PDE4D: variants seen among roughly 807,000 people sequenced by gnomAD.
PDE4D encodes 3',5'-cyclic-AMP phosphodiesterase 4D.
In PDE4D, 24 loss-of-function variants were observed where a neutral mutation model predicts 87.4. The observed-to-expected ratio is 0.27, with a 90% CI of 0.20 to 0.39. The LOEUF is 0.39. Ranked by LOEUF, PDE4D falls within the 10% of genes least tolerant of loss-of-function variation. The pLI is 1.00. For missense variants in PDE4D, 714 were observed against 1,041.0 expected, an observed-to-expected ratio of 0.69 and a Z score of 4.32; for synonymous variants, 384 against 383.2, an observed-to-expected ratio of 1.00 and a Z score of -0.02.
rs10035437 is a variant in PDE4D at position 58,972,180 on chromosome 5, A to G, written c.*2484T>C. On this transcript the variant is annotated 3_prime_UTR_variant, in exon 15 of 15. Coordinates refer to ENST00000340635, the MANE Select transcript of PDE4D (RefSeq NM_001104631.2). The stretch of plus-strand genomic sequence containing the variant: ...GAGGAGAGGAATGAGAATGTTTTGG[A>G]AAGAGGAATAAACTCTAGACTCTTT... The G allele has an allele frequency of 0.16, 24,420 of 152,540 alleles. 2,095 individuals carry two copies. The highest frequency in any genetic ancestry group is 0.19 in the Admixed American group (2,884 of 15,266). 9.4% of individuals were successfully genotyped at this position (152,540 alleles called of 1,614,324 possible). A position where few individuals can be genotyped will look rare whatever the true frequency, so the allele number is the denominator to read the frequency against.
intron 3 of PDE4D, among the ~76,000 whole-genome samples, chr5:59,941,692 C>A (rs1757200027): frequency 6.6e-6 from 1 of 152,238 alleles, no homozygotes; most frequent in Non-Finnish European, 1.5e-5. Flanking sequence ...AGAGGTTCTT[C>A]CTGCATGACT....
At chr5:59,098,042 T>C (rs1462427196) in intron 5 of PDE4D, among the ~76,000 whole-genome samples, 1 of 152,180 alleles carries the variant, frequency 6.6e-6, no homozygotes, top group Non-Finnish European at 1.5e-5. Flanking sequence ...ACTCCCAAAT[T>C]CCCAACTTCC....
At chr5:59,225,124 T>C (rs1005290324) in intron 1 of PDE4D, among the ~76,000 whole-genome samples, 6 of 152,222 alleles carry the variant, frequency 3.9e-5, no homozygotes, top group East Asian at 3.8e-4. Context: ...CTAAATTTTC[T>C]TCTAGGTTTA....
intron 5 of PDE4D, among the ~76,000 whole-genome samples, chr5:59,067,648 G>C (rs1764144690): frequency 6.6e-6 from 1 of 152,064 alleles, no homozygotes; most frequent in South Asian, 2.1e-4. Context: ...TGTAAGATTA[G>C]AGGAAAAACT....
chr5:60,396,701 A>T (rs1271867783), intron 1 of PDE4D, among the ~76,000 whole-genome samples: 2 of 152,088 alleles, frequency 1.3e-5, no homozygotes, highest in Non-Finnish European at 2.9e-5. Context: ...TCTGACTCCT[A>T]TTCAAGGCTG....
intron 1 of PDE4D, among the ~76,000 whole-genome samples, chr5:60,320,964 C>T (rs13168480): frequency 0.32 from 48,008 of 152,016 alleles, 9,169 homozygotes; most frequent in African/African-American, 0.52. Flanking sequence ...GTTGTTAAAA[C>T]GGTCATATTG....
chr5:60,313,647 G>T (rs898217538), intron 1 of PDE4D, among the ~76,000 whole-genome samples: 10 of 152,122 alleles, frequency 6.6e-5, no homozygotes, highest in African/African-American at 2.4e-4. Flanking sequence ...AAAACATCAG[G>T]CCAATATCCT....
chr5:60,450,292 G>A (rs931875985), intron 1 of PDE4D, among the ~76,000 whole-genome samples: 5 of 152,076 alleles, frequency 3.3e-5, no homozygotes, highest in Admixed American at 3.3e-4. Context: ...TCATGACAAT[G>A]TTAGTATTAA....
intron 2 of PDE4D, among the ~76,000 whole-genome samples, chr5:60,091,124 C>G (rs1339877260): frequency 6.6e-6 from 1 of 152,092 alleles, no homozygotes; most frequent in Non-Finnish European, 1.5e-5. Flanking sequence ...CTCAAAAACA[C>G]AAGCAACAAA....
intron 1 of PDE4D, among the ~76,000 whole-genome samples, chr5:59,374,606 A>G (rs905450781): frequency 5.3e-5 from 8 of 152,322 alleles, no homozygotes; most frequent in African/African-American, 1.7e-4. Context: ...CACTGAAAAT[A>G]TTAGATATAT....
chr5:60,436,987 T>C (rs1172134699), intron 1 of PDE4D, among the ~76,000 whole-genome samples: 1 of 152,074 alleles, frequency 6.6e-6, no homozygotes, highest in Non-Finnish European at 1.5e-5. Context: ...ATTCATAGGT[T>C]TGGAGCTAGA....
At chr5:60,459,429 T>C (rs1583834084) in intron 1 of PDE4D, among the ~76,000 whole-genome samples, 2 of 152,056 alleles carry the variant, frequency 1.3e-5, no homozygotes, top group Non-Finnish European at 2.9e-5. Flanking sequence ...GACAGATACA[T>C]GTTGGTAAAT....
At position 60,369,629 on chromosome 5, in the gene PDE4D, T is replaced by C. The variant is rs1390280691; in HGVS notation, c.-90+118313A>G. Among the ~76,000 whole-genome samples the C allele has an allele frequency of 4.6e-5, 7 of 152,110 alleles. No homozygotes were observed. The East Asian group carries it at 9.7e-4, about 21-fold the overall frequency. On this transcript the variant is annotated intron_variant, in intron 1 of 16. Transcript: ENST00000502484. ...AGCATGCGCACCATGGTCCATGTCATAGGGACTTCCTTACCTTGCCTTTAG... is the reference window on the plus strand; with the variant it reads ...AGCATGCGCACCATGGTCCATGTCACAGGGACTTCCTTACCTTGCCTTTAG...
At chr5:59,424,336 T>G (rs1794902530) in intron 1 of PDE4D, among the ~76,000 whole-genome samples, 1 of 152,316 alleles carries the variant, frequency 6.6e-6, no homozygotes, top group Non-Finnish European at 1.5e-5. Flanking sequence ...AGGAAGGGCC[T>G]CTCATCAAAG....
At chr5:59,806,961 T>C (rs1336348278) in intron 1 of PDE4D, among the ~76,000 whole-genome samples, 2 of 152,142 alleles carry the variant, frequency 1.3e-5, no homozygotes, top group African/African-American at 4.8e-5. Flanking sequence ...TTTTTCTTGG[T>C]TTTATTTTAT....
intron 2 of PDE4D, among the ~76,000 whole-genome samples, chr5:60,136,683 A>C (rs1391415858): frequency 6.6e-6 from 1 of 152,170 alleles, no homozygotes; most frequent in African/African-American, 2.4e-5. Context: ...GTATCCACCC[A>C]ATATCCATTC....
At chr5:60,395,162 A>G (rs763451184) in intron 1 of PDE4D, among the ~76,000 whole-genome samples, 1 of 152,192 alleles carries the variant, frequency 6.6e-6, no homozygotes, top group Non-Finnish European at 1.5e-5. Context: ...GCTGAGTTGC[A>G]TAAACCACCC....
At chr5:59,484,394 G>A (rs1226304812) in intron 1 of PDE4D, among the ~76,000 whole-genome samples, 1 of 152,180 alleles carries the variant, frequency 6.6e-6, no homozygotes, top group East Asian at 1.9e-4. Flanking sequence ...GACTGGCTCT[G>A]TAAATGTCAT....
At chr5:59,672,628 TTTTTTG>T in intron 1 of PDE4D, among the ~76,000 whole-genome samples, 1 of 152,314 alleles carries the variant, frequency 6.6e-6, no homozygotes, top group Non-Finnish European at 1.5e-5. Flanking sequence ...TTACTGCAAA[TTTTTTG>T]TTTCTAAGTC....
Sources: gnomAD v4.1 joint callset for allele counts (sites outside exome capture counted in the v4.1 genomes callset) on GRCh38, gnomAD v4.1.1 for gene constraint, MANE v1.5 for transcripts, NCBI Gene and HGNC (gene_info 2026-07-23, HGNC 2026-07-21) for gene names.